Variants in KCNMA1 observed in about 807,000 individuals in gnomAD.
The protein encoded by KCNMA1 is Calcium-activated potassium channel subunit alpha-1.
KCNMA1 carries 29 observed loss-of-function variants against 140.0 expected under a neutral mutation model. The observed-to-expected ratio is 0.21, with a 90% CI of 0.15 to 0.28. The LOEUF is 0.28. Among genes scored for constraint, KCNMA1 ranks in the 10% least tolerant of loss-of-function variants. The pLI, the probability that KCNMA1 is intolerant of heterozygous loss-of-function variation, is 1.00. For missense variants in KCNMA1, 880 were observed against 1,602.2 expected (o/e 0.55, Z 7.70); for synonymous variants, 612 against 611.9 (o/e 1.00, Z 0.00).
At chr10:76,913,428 G>C (rs2051220158) in intron 24 of KCNMA1, 1 of 152,280 alleles carries the variant, frequency 6.6e-6, no homozygotes, top group South Asian at 2.1e-4. Context: ...CTGCACGTGG[G>C]TGGCTGCTAA....
intron 5 of KCNMA1, among the ~76,000 whole-genome samples, chr10:77,160,931 T>C (rs1284484493): frequency 3.3e-5 from 5 of 152,216 alleles, no homozygotes; most frequent in Admixed American, 2.6e-4. Context: ...TTAGATCTGC[T>C]TTCACTCTCA....
chr10:77,477,296 C>G (rs2098299785), intron 1 of KCNMA1, among the ~76,000 whole-genome samples: 1 of 152,196 alleles, frequency 6.6e-6, no homozygotes, highest in South Asian at 2.1e-4. Context: ...TTCTATTTTC[C>G]CACACTTGCC....
intron 17 of KCNMA1, among the ~76,000 whole-genome samples, chr10:77,013,709 A>C (rs2091390249): frequency 6.6e-6 from 1 of 152,236 alleles, no homozygotes; most frequent in African/African-American, 2.4e-5. Context: ...CATTAAACAT[A>C]TTTGATCCTC....
chr10:77,444,429 G>A (rs1408580118), intron 1 of KCNMA1, among the ~76,000 whole-genome samples: 2 of 152,336 alleles, frequency 1.3e-5, no homozygotes, highest in Admixed American at 1.3e-4. Context: ...GCCAGATGAA[G>A]TACGGTGTAG....
chr10:76,889,647 T>A, intron 26 of KCNMA1, 78 bp from the exon 27 acceptor site: 1 of 1,125,672 alleles, frequency 8.9e-7, no homozygotes, highest in Non-Finnish European at 1.4e-6. Context: ...GAAACGGGTC[T>A]TTTCATCAAA....
intron 1 of KCNMA1, among the ~76,000 whole-genome samples, chr10:77,417,722 T>C (rs775358171): frequency 2.0e-4 from 30 of 152,326 alleles, no homozygotes; most frequent in Non-Finnish European, 3.2e-4. Flanking sequence ...CAACTGAACA[T>C]GTTCCCGCTT....
chr10:77,516,337 C>T (rs2050423520), intron 1 of KCNMA1, among the ~76,000 whole-genome samples: 1 of 152,154 alleles, frequency 6.6e-6, no homozygotes, highest in Non-Finnish European at 1.5e-5. Flanking sequence ...TCCATGCACC[C>T]TCCATAGCAC....
At chr10:77,072,944 T>C (rs1049001312) in intron 14 of KCNMA1, among the ~76,000 whole-genome samples, 153 bp downstream of exon 14, 28 of 152,212 alleles carry the variant, frequency 1.8e-4, no homozygotes, top group African/African-American at 6.5e-4. Flanking sequence ...TTGAAAGAAG[T>C]TGGCTTCATG....
At position 77,274,904 on chromosome 10, in the gene KCNMA1, A is replaced by T. The variant is rs7898958; in HGVS notation, c.541-23648T>A. On this transcript the variant is annotated intron_variant, in intron 2 of 27. Coordinates refer to ENST00000286628, the MANE Select transcript of KCNMA1 (RefSeq NM_001161352.2). The stretch of plus-strand genomic sequence containing the variant: ...AGTTTTGTGGGGAGAGAAACTGAGA[A>T]GGGAAGTGATGAAGACCGAGATGGG... Among the ~76,000 whole-genome samples the T allele has an allele frequency of 2.0e-5, 3 of 152,072 alleles. No homozygotes were observed. The East Asian group carries it at 5.8e-4, about 29-fold the overall frequency.
intron 1 of KCNMA1, among the ~76,000 whole-genome samples, chr10:77,619,391 G>A (rs2090690096): frequency 6.6e-6 from 1 of 151,582 alleles, no homozygotes; most frequent in Admixed American, 6.6e-5. Context: ...TCTTCCCCCT[G>A]TAGTGGCCAA....
chr10:77,629,419 C>G (rs751834305), intron 1 of KCNMA1, among the ~76,000 whole-genome samples: 1 of 152,286 alleles, frequency 6.6e-6, no homozygotes, highest in East Asian at 1.9e-4. Context: ...GTCAACAAAC[C>G]AAGCCCATCT....
In KCNMA1 at chr10:77,079,369, A is replaced by AGTGTGTGTGT. The variant is rs68133946; in HGVS notation, c.1593+102_1593+111dup. On this transcript the variant is annotated intron_variant, in intron 13 of 27. Coordinates refer to ENST00000286628, the MANE Select transcript of KCNMA1 (RefSeq NM_001161352.2). ...AGTTGCGCACATGTGGGCATGTGAG[A>AGTGTGTGTGT]GTGTGTGTGTGTGTGTGTGTGTGTG... The AGTGTGTGTGT allele has an allele frequency of 0.048, 31,910 of 658,280 alleles. 338 individuals carry two copies. Among genetic ancestry groups the AGTGTGTGTGT allele is most frequent in the Middle Eastern group, 0.07 (177 of 2,516 alleles). 40.8% of individuals were successfully genotyped at this position (658,280 alleles called of 1,614,324 possible).
intron 5 of KCNMA1, among the ~76,000 whole-genome samples, chr10:77,166,108 C>T (rs925577885): frequency 2.0e-5 from 3 of 152,066 alleles, no homozygotes; most frequent in Non-Finnish European, 4.4e-5. Flanking sequence ...GGAGCTGGGG[C>T]CCTTCGTCTC....
chr10:77,334,310 A>G (rs1452646338), intron 2 of KCNMA1, among the ~76,000 whole-genome samples: 1 of 152,154 alleles, frequency 6.6e-6, no homozygotes. Flanking sequence ...CTCTATCTCT[A>G]AACAGAAATG....
rs1469284538 is a variant in KCNMA1, at chr10:77,637,601, G to A, written c.42C>T (p.Gly14=). 4 of 1,525,052 alleles carry A rather than the reference G, an allele frequency of 2.6e-6. No individual in the cohort carries two copies. Among genetic ancestry groups the A allele is most frequent in the African/African-American group, 1.4e-5 (1 of 72,056 alleles). The allele number at this position is 1,525,052 out of a possible 1,614,324, so 94.5% of individuals were successfully genotyped here. Residue 14 remains glycine (G), a synonymous_variant, in exon 1 of 28, where the codon GGC becomes GGT. Transcript: ENST00000286628. ...GACTGCTGCCTCCGCCGCCGCCGCCGCCGCCGCTGCTGCCGCCGCCGCCGC... is the reference window on the plus strand; with the variant it reads ...GACTGCTGCCTCCGCCGCCGCCGCCACCGCCGCTGCTGCCGCCGCCGCCGC... The part of the protein sequence containing the change: ...GGGGGGGSSG[G]GGGGGGSSLR...
chr10:77,567,471 GC>G (rs2068779554), intron 1 of KCNMA1, among the ~76,000 whole-genome samples: 1 of 152,200 alleles, frequency 6.6e-6, no homozygotes, highest in Non-Finnish European at 1.5e-5. Context: ...GGAACTACCG[GC>G]AGTTATGAAC....
chr10:77,152,559 G>T (rs1004889392), intron 5 of KCNMA1, among the ~76,000 whole-genome samples: 2 of 152,250 alleles, frequency 1.3e-5, no homozygotes, highest in South Asian at 4.1e-4. Flanking sequence ...ATCTACACAT[G>T]GCTTTATGTG....
rs939166401 is a variant in KCNMA1, at chr10:76,885,018, C to T, written c.*2248G>A. 4 of 1,547,746 alleles carry T rather than the reference C, an allele frequency of 2.6e-6. No homozygotes were observed. The highest frequency in any genetic ancestry group is 2.7e-5 in the African/African-American group (2 of 72,784). On this transcript the variant is annotated 3_prime_UTR_variant, in exon 28 of 28. Transcript: ENST00000286628. The stretch of plus-strand genomic sequence containing the variant: ...GCCCATTCTATTCATCCTTGTTGCA[C>T]TTTAGAGAGAGAAGTAAGCTATGTG...
chr10:77,314,430 G>A (rs2080197703), intron 2 of KCNMA1, among the ~76,000 whole-genome samples: 1 of 152,126 alleles, frequency 6.6e-6, no homozygotes, highest in Non-Finnish European at 1.5e-5. Flanking sequence ...TAAGTGCTGG[G>A]GCCATAGAGA....
Sources: allele counts gnomAD v4.1 joint callset (sites outside exome capture counted in the v4.1 genomes callset), GRCh38; gene constraint gnomAD v4.1.1; transcripts MANE v1.5; gene names NCBI Gene and HGNC (gene_info 2026-07-23, HGNC 2026-07-21).